Variants in EPHA3 observed in about 807,000 individuals in gnomAD.
The protein encoded by EPHA3 is ephrin type-A receptor 3.
Under a neutral mutation model 107.1 loss-of-function variants are expected in EPHA3, and 42 were observed. The ratio of observed to expected loss-of-function variants is 0.39; its 90% confidence interval spans 0.31 to 0.51. The LOEUF (loss-of-function observed/expected upper bound fraction) is 0.51. EPHA3 is among the 20% of genes least tolerant of loss of function. EPHA3 has a pLI of 0.78. For missense variants in EPHA3, 1,183 were observed against 1,211.2 expected, an observed-to-expected ratio of 0.98 and a Z score of 0.35; for synonymous variants, 461 against 424.8, an observed-to-expected ratio of 1.09 and a Z score of -1.05.
intron 3 of EPHA3, among the ~76,000 whole-genome samples, chr3:89,310,190 AT>A (rs532817227): frequency 6.6e-6 from 1 of 152,214 alleles, no homozygotes; most frequent in South Asian, 2.1e-4. Flanking sequence ...TTCTTTATAT[AT>A]AAAGCAGACA....
chr3:89,345,732 C>A (rs984740880), intron 5 of EPHA3, among the ~76,000 whole-genome samples: 1 of 145,220 alleles, frequency 6.9e-6, no homozygotes, highest in African/African-American at 2.5e-5. Context: ...CGTCATCTAG[C>A]ATTAGGTATA....
chr3:89,252,704 A>G (rs553087185), intron 3 of EPHA3, among the ~76,000 whole-genome samples: 1 of 152,168 alleles, frequency 6.6e-6, no homozygotes, highest in Non-Finnish European at 1.5e-5. Flanking sequence ...TACTCCATTG[A>G]AACATTAACC....
At chr3:89,451,670 G>C (rs1177607287) in intron 15 of EPHA3, among the ~76,000 whole-genome samples, 2 of 152,128 alleles carry the variant, frequency 1.3e-5, no homozygotes, top group African/African-American at 4.8e-5. Flanking sequence ...AGTTTTATCA[G>C]TAACGATGAC....
chr3:89,338,335 A>G (rs372668722), intron 3 of EPHA3, among the ~76,000 whole-genome samples: 1 of 152,154 alleles, frequency 6.6e-6, no homozygotes, highest in East Asian at 1.9e-4. Flanking sequence ...CACTTCTACT[A>G]TCTATGTATG....
chr3:89,313,234 T>G (rs1706808702), intron 3 of EPHA3, among the ~76,000 whole-genome samples: 2 of 152,016 alleles, frequency 1.3e-5, no homozygotes, highest in Admixed American at 6.6e-5. Flanking sequence ...ATTTAAAGTA[T>G]CTATCATTTC....
At chr3:89,450,555 A>G (rs190861623) in intron 15 of EPHA3, among the ~76,000 whole-genome samples, 185 bp downstream of exon 15, 34 of 152,230 alleles carry the variant, frequency 2.2e-4, no homozygotes, top group African/African-American at 7.0e-4. Context: ...CCTTAATAGT[A>G]ATGATGAAAT....
chr3:89,403,405 T>G (rs888266348), intron 7 of EPHA3, among the ~76,000 whole-genome samples: 16 of 152,172 alleles, frequency 1.1e-4, no homozygotes, highest in African/African-American at 3.9e-4. Flanking sequence ...TTGTGTGTTT[T>G]TTTTCTGAGT....
chr3:89,330,928 C>CGA (rs1450677472), intron 3 of EPHA3, among the ~76,000 whole-genome samples: 4 of 152,068 alleles, frequency 2.6e-5, no homozygotes, highest in African/African-American at 9.7e-5. Flanking sequence ...TAAATTTCCT[C>CGA]CATGTTGCAT....
rs114547664 is a variant in EPHA3, at chr3:89,427,480, C to A, written c.2075-1626C>A. On this transcript the variant is annotated intron_variant, in intron 11 of 16. Transcript: ENST00000336596. ...TATGTGTACATTAATGTTTGTTTAA[C>A]ATCTGTTATTTGCTTATGAGTTTTC... 9.7e-3 allele frequency among the ~76,000 whole-genome samples: 1,474 copies of A among 151,948 alleles called. 27 individuals are homozygous for A. The highest frequency in any genetic ancestry group is 0.034 in the African/African-American group (1,410 of 41,516).
chr3:89,279,494 T>C (rs1705890421), intron 3 of EPHA3, among the ~76,000 whole-genome samples: 1 of 152,150 alleles, frequency 6.6e-6, no homozygotes, highest in Non-Finnish European at 1.5e-5. Context: ...CTAAGAAATA[T>C]GTCTAAGAAA....
chr3:89,419,471 T>G, intron 11 of EPHA3, 81 bp downstream of exon 11: 2 of 1,327,730 alleles, frequency 1.5e-6, no homozygotes, highest in Non-Finnish European at 2.0e-6. Context: ...ATTTAAGAAT[T>G]TTGGCTTTTT....
At chr3:89,252,217 A>T (rs1475062092) in intron 3 of EPHA3, among the ~76,000 whole-genome samples, 1 of 152,184 alleles carries the variant, frequency 6.6e-6, no homozygotes, top group African/African-American at 2.4e-5. Flanking sequence ...AAAACCAATG[A>T]TAATTAATGT....
At chr3:89,123,089 C>A (rs1707425427) in intron 1 of EPHA3, among the ~76,000 whole-genome samples, 7 of 152,092 alleles carry the variant, frequency 4.6e-5, no homozygotes, top group Admixed American at 4.6e-4. Context: ...TCCATAAGTA[C>A]TTATTACCAA....
At chr3:89,345,016 C>T (rs758605893) in intron 5 of EPHA3, among the ~76,000 whole-genome samples, 3 of 151,196 alleles carry the variant, frequency 2.0e-5, no homozygotes, top group South Asian at 2.1e-4. Context: ...AAACTTATAA[C>T]GACATAAATT....
At chr3:89,131,010 T>C (rs953248284) in intron 2 of EPHA3, among the ~76,000 whole-genome samples, 1 of 152,208 alleles carries the variant, frequency 6.6e-6, no homozygotes, top group African/African-American at 2.4e-5. Flanking sequence ...ACATATATTA[T>C]TAGGCCTTGG....
At chr3:89,472,361 A>T (rs1207529741) in intron 15 of EPHA3, 103 bp from the exon 16 acceptor site, 4 of 1,241,070 alleles carry the variant, frequency 3.2e-6, no homozygotes, top group Non-Finnish European at 4.5e-6. Flanking sequence ...AAGGAACACC[A>T]TATGAAGTCT....
intron 2 of EPHA3, among the ~76,000 whole-genome samples, chr3:89,207,503 C>T (rs1414017432): frequency 6.6e-6 from 1 of 151,978 alleles, no homozygotes; most frequent in African/African-American, 2.4e-5. Flanking sequence ...GAATTTTAGG[C>T]AGTAGTATTT....
chr3:89,310,217 C>T (rs1706731459), intron 3 of EPHA3, among the ~76,000 whole-genome samples: 1 of 151,754 alleles, frequency 6.6e-6, no homozygotes, highest in Non-Finnish European at 1.5e-5. Context: ...AAGTAAAAGG[C>T]AAGTGAGTAA....
intron 5 of EPHA3, among the ~76,000 whole-genome samples, chr3:89,389,400 C>G (rs1371882522): frequency 1.3e-5 from 2 of 152,186 alleles, no homozygotes; most frequent in African/African-American, 4.8e-5. Flanking sequence ...CCATTCACTG[C>G]ATATATTTTC....
Sources: allele counts gnomAD v4.1 joint callset (sites outside exome capture counted in the v4.1 genomes callset), GRCh38; gene constraint gnomAD v4.1.1; transcripts MANE v1.5; gene names NCBI Gene and HGNC (gene_info 2026-07-23, HGNC 2026-07-21).